Variants in RPH3A observed in about 807,000 individuals in gnomAD.
RPH3A encodes the protein rabphilin 3A, also known as rabphilin-3A.
A neutral mutation model predicts 102.2 loss-of-function variants in RPH3A; 48 were observed. The observed-to-expected ratio is 0.47, with a 90% confidence interval of 0.37 to 0.60. The LOEUF (loss-of-function observed/expected upper bound fraction) is 0.60, where lower values mean the gene tolerates loss of function less well. Among genes scored for constraint, RPH3A ranks in the 20% least tolerant of loss-of-function variants. The pLI is 0.00. For missense variants in RPH3A, 781 were observed against 910.1 expected (o/e 0.86, Z 1.83); for synonymous variants, 310 against 324.3 (o/e 0.96, Z 0.47).
At chr12:112,670,805 G>T (rs1189314817) in intron 1 of RPH3A, among the ~76,000 whole-genome samples, 1 of 152,168 alleles carries the variant, frequency 6.6e-6, no homozygotes, top group Admixed American at 6.5e-5. Context: ...GTCTCTTGAG[G>T]CACAGGTTTG....
At chr12:112,890,173 A>C in intron 18 of RPH3A, 93 bp downstream of exon 18, 10 of 1,160,444 alleles carry the variant, frequency 8.6e-6, no homozygotes, top group Non-Finnish European at 1.3e-5. Context: ...CCCCTTCCTC[A>C]TCCATTCTCT....
chr12:112,852,706 T>G (rs2042342910), intron 5 of RPH3A, among the ~76,000 whole-genome samples: 2 of 152,164 alleles, frequency 1.3e-5, no homozygotes, highest in South Asian at 4.1e-4. Context: ...CTCCTGAGCA[T>G]AAAAGGGCCC....
chr12:112,781,559 T>G (rs1265468385), intron 1 of RPH3A, among the ~76,000 whole-genome samples: 5 of 152,148 alleles, frequency 3.3e-5, no homozygotes, highest in Non-Finnish European at 7.4e-5. Context: ...CTATTCAGTT[T>G]CTTTGTAGTT....
intron 1 of RPH3A, among the ~76,000 whole-genome samples, chr12:112,663,540 A>C (rs977854571): frequency 6.6e-6 from 1 of 152,044 alleles, no homozygotes; most frequent in Non-Finnish European, 1.5e-5. Flanking sequence ...TATTTTTTAT[A>C]GAGACAGCGT....
intron 1 of RPH3A, among the ~76,000 whole-genome samples, chr12:112,739,536 G>C (rs757402950): frequency 1.3e-5 from 2 of 152,198 alleles, no homozygotes; most frequent in African/African-American, 4.8e-5. Flanking sequence ...TTTCCATATG[G>C]AATGACAGGT....
intron 1 of RPH3A, among the ~76,000 whole-genome samples, chr12:112,765,170 G>A (rs1002822979): frequency 2.6e-5 from 4 of 152,080 alleles, no homozygotes; most frequent in Non-Finnish European, 5.9e-5. Flanking sequence ...GTCGTGGGGA[G>A]CATATATGTG....
chr12:112,610,717 C>T (rs2039633511), intron 1 of RPH3A, among the ~76,000 whole-genome samples: 1 of 151,932 alleles, frequency 6.6e-6, no homozygotes, highest in African/African-American at 2.4e-5. Context: ...CTGCAAGCTC[C>T]GTCTCCTGGG....
chr12:112,810,446 G>A (rs964743887), intron 2 of RPH3A, among the ~76,000 whole-genome samples: 2 of 152,196 alleles, frequency 1.3e-5, no homozygotes, highest in Non-Finnish European at 2.9e-5. Context: ...CTCGGCCCTG[G>A]TTCGTTATCT....
At chr12:112,635,565 G>T (rs557367392) in intron 1 of RPH3A, among the ~76,000 whole-genome samples, 1 of 152,042 alleles carries the variant, frequency 6.6e-6, no homozygotes, top group East Asian at 1.9e-4. Flanking sequence ...GACAAAAAAT[G>T]CCAAAGAGGC....
chr12:112,875,575 C>T, intron 11 of RPH3A, 104 bp from the exon 12 acceptor site: 1 of 978,458 alleles, frequency 1.0e-6, no homozygotes, highest in Non-Finnish European at 1.6e-6. Flanking sequence ...ACCTTTCTGC[C>T]TTCGGGCCTG....
rs1386871974 is a variant in RPH3A, at chr12:112,890,890, C to A, written c.1662C>A (p.Ile554=). ...RVGDIEERGK[I]LVSLMYSTQQ... ...GTGACATCGAGGAGCGTGGCAAGAT[C>A]CTGGTCTCCCTCATGTACAGCACAC... Residue 554 remains isoleucine (I), a synonymous_variant, in exon 19 of 22, where the codon ATC becomes ATA. Transcript: ENST00000389385. 1 of 1,613,948 alleles carries A rather than the reference C, an allele frequency of 6.2e-7. No homozygotes were observed. Among genetic ancestry groups the A allele is most frequent in the African/African-American group, 1.3e-5 (1 of 74,940 alleles).
chr12:112,660,046 G>A (rs1419350995), intron 1 of RPH3A, among the ~76,000 whole-genome samples: 2 of 152,092 alleles, frequency 1.3e-5, no homozygotes, highest in African/African-American at 4.8e-5. Flanking sequence ...TCCTCTAAGA[G>A]ACAGAAGTAG....
chr12:112,808,125 A>G (rs1193129447), intron 2 of RPH3A, among the ~76,000 whole-genome samples: 1 of 152,200 alleles, frequency 6.6e-6, no homozygotes, highest in Non-Finnish European at 1.5e-5. Context: ...AGATGACTCT[A>G]ACTAACCTAA....
intron 1 of RPH3A, among the ~76,000 whole-genome samples, chr12:112,633,659 A>C (rs1037482750): frequency 1.3e-5 from 2 of 152,238 alleles, no homozygotes; most frequent in African/African-American, 2.4e-5. Context: ...TTAAGAAATA[A>C]AATTTCTTTA....
At chr12:112,727,814 A>G (rs1307659368) in intron 1 of RPH3A, among the ~76,000 whole-genome samples, 2 of 152,128 alleles carry the variant, frequency 1.3e-5, no homozygotes, top group Admixed American at 6.6e-5. Flanking sequence ...CACAGTGTCT[A>G]TTTCACTTAA....
At chr12:112,889,615 G>A (rs1219468480) in intron 17 of RPH3A, among the ~76,000 whole-genome samples, 1 of 152,128 alleles carries the variant, frequency 6.6e-6, no homozygotes, top group Non-Finnish European at 1.5e-5. Flanking sequence ...AGGGCCCCAG[G>A]GGCCATGAAG....
At chr12:112,646,637 G>GAT (rs1949404841) in intron 1 of RPH3A, among the ~76,000 whole-genome samples, 1 of 152,202 alleles carries the variant, frequency 6.6e-6, no homozygotes, top group East Asian at 1.9e-4. Context: ...TGCACAGTGA[G>GAT]GTTGGACAGT....
At chr12:112,851,224 G>A (rs1208599946) in intron 5 of RPH3A, among the ~76,000 whole-genome samples, 1 of 152,150 alleles carries the variant, frequency 6.6e-6, no homozygotes, top group Non-Finnish European at 1.5e-5. Flanking sequence ...TGCAGGTGAG[G>A]AAACCGAAGC....
chr12:112,869,487 CCTT>C (rs145631090), intron 8 of RPH3A: 15,314 of 404,782 alleles, frequency 0.038, 661 homozygotes, highest in Admixed American at 0.14. Context: ...CTAAAATACT[CCTT>C]CTTCCTAGTT....
Sources: gnomAD v4.1 joint callset for allele counts (sites outside exome capture counted in the v4.1 genomes callset) on GRCh38, gnomAD v4.1.1 for gene constraint, MANE v1.5 for transcripts, NCBI Gene and HGNC (gene_info 2026-07-23, HGNC 2026-07-21) for gene names.